SYN2: variants seen among roughly 807,000 people sequenced by gnomAD.
SYN2 encodes the protein synapsin-2.
Under a neutral mutation model 50.9 loss-of-function variants are expected in SYN2, and 19 were observed. The observed-to-expected ratio is 0.37, with a 90% CI of 0.26 to 0.55. SYN2 has a LOEUF of 0.55. Among genes scored for constraint, SYN2 ranks in the 20% least tolerant of loss-of-function variants. The probability of loss-of-function intolerance (pLI) is 0.81; values close to 1 mark genes in which losing one functional copy is unlikely to be tolerated. For synonymous variants in SYN2, 255 were observed against 224.9 expected, an observed-to-expected ratio of 1.13 and a Z score of -1.20; for missense variants, 587 against 576.4, an observed-to-expected ratio of 1.02 and a Z score of -0.19.
chr3:12,161,709 T>C (rs1697653720), intron 6 of SYN2, 101 bp downstream of exon 6: 2 of 1,371,644 alleles, frequency 1.5e-6, no homozygotes, highest in Admixed American at 1.8e-5. Flanking sequence ...CACTGATGAA[T>C]TCTTTCCAAA....
intron 1 of SYN2, among the ~76,000 whole-genome samples, chr3:12,011,083 C>G (rs1317292663): frequency 2.0e-5 from 3 of 152,188 alleles, no homozygotes; most frequent in Non-Finnish European, 2.9e-5. Context: ...AGATACAACT[C>G]TGTCTTGAGG....
chr3:12,040,273 G>C (rs915127023), intron 1 of SYN2, among the ~76,000 whole-genome samples: 11 of 152,130 alleles, frequency 7.2e-5, no homozygotes, highest in Admixed American at 2.6e-4. Flanking sequence ...TTTCAGAGTG[G>C]TAATAGGAGG....
intron 1 of SYN2, among the ~76,000 whole-genome samples, chr3:12,066,480 G>A (rs969760518): frequency 6.6e-6 from 1 of 152,086 alleles, no homozygotes; most frequent in South Asian, 2.1e-4. Flanking sequence ...AAATTGTAAG[G>A]CATGAATTGA....
Position 12,187,631 on chromosome 3 carries a change from G to A in SYN2, c.1613+19G>A. The A allele has an allele frequency of 6.5e-7, 1 of 1,527,358 alleles. No individual in the cohort carries two copies. Among genetic ancestry groups the A allele is most frequent in the Non-Finnish European group, 8.9e-7 (1 of 1,129,138 alleles). 94.6% of individuals were successfully genotyped at this position (1,527,358 alleles called of 1,614,324 possible). The stretch of plus-strand genomic sequence containing the variant: ...AGCTCAAGTAAGAGACAACTCAGCA[G>A]CTCCTCCCTCCCCTCCTCCTACCCT... On this transcript the variant is annotated intron_variant, in intron 12 of 12. Transcript: ENST00000621198.
chr3:12,047,153 GAA>G (rs1694758091), intron 1 of SYN2, among the ~76,000 whole-genome samples: 1 of 150,382 alleles, frequency 6.6e-6, no homozygotes, highest in African/African-American at 2.5e-5. Context: ...GGAAAGAGAA[GAA>G]TACTTAATAG....
In SYN2 at chr3:12,112,509, A is replaced by G. The variant is rs556759617; in HGVS notation, c.378-28142A>G. On this transcript the variant is annotated intron_variant, in intron 1 of 12. Transcript: ENST00000621198. ...TCAAAAATTTTGCAGTGGAGTTACAAGTCTGTTAACCCATTAAAATATAAA... is the reference window on the plus strand; with the variant it reads ...TCAAAAATTTTGCAGTGGAGTTACAGGTCTGTTAACCCATTAAAATATAAA... Among the ~76,000 whole-genome samples the G allele has an allele frequency of 2.4e-3, 366 of 152,260 alleles. 1 individual carries two copies. Among genetic ancestry groups the G allele is most frequent in the African/African-American group, 8.3e-3 (347 of 41,566 alleles).
chr3:12,150,703 C>G (rs1037221001), intron 4 of SYN2, among the ~76,000 whole-genome samples: 1 of 152,212 alleles, frequency 6.6e-6, no homozygotes. Context: ...TCTAATCTTC[C>G]TGAAGAACAG....
intron 1 of SYN2, among the ~76,000 whole-genome samples, chr3:12,104,327 AAAAT>A (rs1696133722): frequency 6.6e-6 from 1 of 152,162 alleles, no homozygotes; most frequent in African/African-American, 2.4e-5. Flanking sequence ...AAATAGCCTC[AAAAT>A]AAATAAAGCA....
chr3:12,124,148 A>G (rs1559429278), intron 1 of SYN2, among the ~76,000 whole-genome samples: 2 of 152,200 alleles, frequency 1.3e-5, no homozygotes, highest in African/African-American at 4.8e-5. Context: ...ATTGAGCAAA[A>G]AATGTTGGTA....
At chr3:12,157,301 G>A (rs904620987) in intron 5 of SYN2, 4 of 1,345,614 alleles carry the variant, frequency 3.0e-6, no homozygotes, top group Middle Eastern at 1.8e-4. Flanking sequence ...CAGGCCACCT[G>A]AAAGCTACCA....
chr3:12,151,622 C>T (rs1697295515), intron 5 of SYN2, among the ~76,000 whole-genome samples: 1 of 152,256 alleles, frequency 6.6e-6, no homozygotes, highest in South Asian at 2.1e-4. Context: ...AGCCCTGGCT[C>T]TGCCACTTGT....
Position 12,154,594 on chromosome 3 carries a change from A to G in SYN2, c.774+3268A>G, listed in dbSNP as rs189676684. On this transcript the variant is annotated intron_variant, in intron 5 of 12. Coordinates refer to ENST00000621198, the MANE Select transcript of SYN2 (RefSeq NM_133625.6). ...GGCATGGGGCTCAGTGAAGGGACCAATAAATAAAACTACTATAATCTTTCT... is the reference window on the plus strand; with the variant it reads ...GGCATGGGGCTCAGTGAAGGGACCAGTAAATAAAACTACTATAATCTTTCT... The G allele has an allele frequency of 1.5e-4, 125 of 808,362 alleles. No individual in the cohort carries two copies. The East Asian group carries it at 3.3e-3, about 21-fold the overall frequency. The allele number at this position is 808,362 out of a possible 1,614,324, so 50.1% of individuals were successfully genotyped here.
At chr3:12,052,309 T>C (rs560135794) in intron 1 of SYN2, among the ~76,000 whole-genome samples, 8 of 151,896 alleles carry the variant, frequency 5.3e-5, no homozygotes, top group Admixed American at 2.6e-4. Flanking sequence ...TTTTCTTCTT[T>C]TTTTTTTTGC....
At chr3:12,106,327 C>A (rs1459150619) in intron 1 of SYN2, among the ~76,000 whole-genome samples, 1 of 152,106 alleles carries the variant, frequency 6.6e-6, no homozygotes, top group African/African-American at 2.4e-5. Context: ...TAGATGAGGC[C>A]CACCTGGATA....
Position 12,004,888 on chromosome 3 carries a change from G to A in SYN2, c.337G>A (p.Ala113Thr), listed in dbSNP as rs1357521119. The change falls in exon 1 of 13, where the codon GCC becomes ACC. Residue 113 changes from alanine (A) to threonine (T), a missense_variant. By Grantham distance (58) the Ala-to-Thr change is moderately conservative. Transcript: ENST00000621198. ...PAPAPAAARK[A>T]KVLLVVDEPH... ...TCCCGCGCCCGCAGCCGCCAGGAAGGCCAAGGTGCTGCTGGTGGTCGACGA... is the reference window on the plus strand; with the variant it reads ...TCCCGCGCCCGCAGCCGCCAGGAAGACCAAGGTGCTGCTGGTGGTCGACGA... The A allele has an allele frequency of 5.1e-6, 3 of 585,134 alleles. No homozygotes were observed. The highest frequency in any genetic ancestry group is 3.8e-5 in the South Asian group (2 of 52,618). The allele number at this position is 585,134 out of a possible 1,614,324, so 36.2% of individuals were successfully genotyped here.
intron 10 of SYN2, among the ~76,000 whole-genome samples, chr3:12,171,714 C>T (rs1022237133): frequency 6.6e-6 from 1 of 152,186 alleles, no homozygotes; most frequent in Non-Finnish European, 1.5e-5. Context: ...TAGGTTTATT[C>T]CCATTTCTGT....
intron 1 of SYN2, among the ~76,000 whole-genome samples, chr3:12,083,959 G>A (rs188056555): frequency 2.3e-4 from 35 of 152,252 alleles, no homozygotes; most frequent in African/African-American, 7.7e-4. Flanking sequence ...GTTGGGATAG[G>A]GAGAGGAGAA....
intron 1 of SYN2, among the ~76,000 whole-genome samples, chr3:12,112,320 G>T (rs925002317): frequency 6.6e-6 from 1 of 152,086 alleles, no homozygotes; most frequent in Non-Finnish European, 1.5e-5. Flanking sequence ...CAGATTCAAT[G>T]AATTAATTTT....
intron 7 of SYN2, among the ~76,000 whole-genome samples, 191 bp from the exon 8 acceptor site, chr3:12,167,040 AGAG>A (rs1697816751): frequency 6.6e-6 from 1 of 152,198 alleles, no homozygotes; most frequent in African/African-American, 2.4e-5. Context: ...ACCCTTGTAG[AGAG>A]GAGGAGGGCA....
Sources: gnomAD v4.1 joint callset for allele counts (sites outside exome capture counted in the v4.1 genomes callset) on GRCh38, gnomAD v4.1.1 for gene constraint, MANE v1.5 for transcripts, NCBI Gene and HGNC (gene_info 2026-07-23, HGNC 2026-07-21) for gene names.